Variants in NFKB1 observed in about 807,000 individuals in gnomAD.
NFKB1 encodes the protein nuclear factor NF-kappa-B p105 subunit.
NFKB1 carries 9 observed loss-of-function variants against 105.1 expected under a neutral mutation model. The observed-to-expected ratio is 0.09, with a 90% CI of 0.05 to 0.15. The LOEUF (loss-of-function observed/expected upper bound fraction) is 0.15, where lower values mean the gene tolerates loss of function less well. Ranked by LOEUF, NFKB1 falls within the 10% of genes least tolerant of loss-of-function variation. The probability of loss-of-function intolerance (pLI) is 1.00; values close to 1 mark genes in which losing one functional copy is unlikely to be tolerated. For synonymous variants in NFKB1, 440 were observed against 442.2 expected, an observed-to-expected ratio of 1.00 and a Z score of 0.06; for missense variants, 830 against 1,203.7, an observed-to-expected ratio of 0.69 and a Z score of 4.59.
rs192251080 is a variant in NFKB1 at position 102,518,389 on chromosome 4, G to A, written c.-7-7123G>A. On this transcript the variant is annotated intron_variant, in intron 1 of 23. Transcript: ENST00000226574. ...CCTCTTTTGTTCAGTTGGGAATTGA[G>A]TAAACTAATAGAGTAAAAAAATGAG... Among the ~76,000 whole-genome samples the A allele has an allele frequency of 2.0e-5, 3 of 152,240 alleles. No individual in the cohort carries two copies. The East Asian group carries it at 5.8e-4, about 29-fold the overall frequency.
At position 102,569,028 on chromosome 4, in the gene NFKB1, T is replaced by A. The variant is rs4648017; in HGVS notation, c.407+1893T>A. ...GACTCAGTAGTCTTAACGTTTTTAG[T>A]GTTTCCTATGAAAAGTCAGTACTCA... On this transcript the variant is annotated intron_variant, in intron 6 of 23. Coordinates refer to ENST00000226574, the MANE Select transcript of NFKB1 (RefSeq NM_003998.4). Among the ~76,000 whole-genome samples the A allele has an allele frequency of 3.8e-3, 581 of 152,260 alleles. 5 individuals are homozygous for A. The highest frequency in any genetic ancestry group is 6.6e-3 in the Non-Finnish European group (448 of 67,970).
At chr4:102,598,010 G>A (rs1560708423) in intron 15 of NFKB1, among the ~76,000 whole-genome samples, 1 of 152,186 alleles carries the variant, frequency 6.6e-6, no homozygotes, top group Non-Finnish European at 1.5e-5. Context: ...AATCCCTGAA[G>A]CATTGTTATC....
In NFKB1 at chr4:102,521,593, C is replaced by T. The variant is rs72696146; in HGVS notation, c.-7-3919C>T. 5.0e-3 allele frequency among the ~76,000 whole-genome samples: 761 copies of T among 152,178 alleles called. 1 individual carries two copies. The highest frequency in any genetic ancestry group is 7.8e-3 in the Non-Finnish European group (529 of 67,978). On this transcript the variant is annotated intron_variant, in intron 1 of 23. Transcript: ENST00000226574. ...AAATCCTATAGAAAGAATACATTTT[C>T]TTACAGTGGGTCATGGTCAAAAGTG...
chr4:102,552,747 A>G (rs1232944413), intron 5 of NFKB1, among the ~76,000 whole-genome samples: 1 of 152,222 alleles, frequency 6.6e-6, no homozygotes, highest in Non-Finnish European at 1.5e-5. Context: ...TACAGGCTGA[A>G]CAACATAAAG....
intron 16 of NFKB1, among the ~76,000 whole-genome samples, chr4:102,603,176 G>A (rs908606930): frequency 1.3e-5 from 2 of 151,952 alleles, no homozygotes; most frequent in East Asian, 1.9e-4. Context: ...AGGTTCAAGC[G>A]ATTCTTCTGC....
intron 1 of NFKB1, among the ~76,000 whole-genome samples, chr4:102,521,730 A>G (rs1208156674): frequency 6.6e-6 from 1 of 152,156 alleles, no homozygotes; most frequent in Non-Finnish European, 1.5e-5. Context: ...TCAGTCCTAC[A>G]GCCTTCACCA....
At chr4:102,535,977 A>G (rs997335547) in intron 4 of NFKB1, among the ~76,000 whole-genome samples, 5 of 151,256 alleles carry the variant, frequency 3.3e-5, no homozygotes, top group Non-Finnish European at 5.9e-5. Context: ...TCTGACGGAG[A>G]TGAGTCATAG....
At position 102,501,580 on chromosome 4, in the gene NFKB1, T is replaced by G. The variant is rs1739020250; in HGVS notation, c.-216T>G. ...GCCGCCGCCCGGCCACCGCGCGCCCTGCGCTTCCCTCCGCCCGCGCTGCGG... is the reference window on the plus strand; with the variant it reads ...GCCGCCGCCCGGCCACCGCGCGCCCGGCGCTTCCCTCCGCCCGCGCTGCGG... On this transcript the variant is annotated 5_prime_UTR_variant, in exon 1 of 24. Transcript: ENST00000226574. 1 of 146,700 alleles carries G rather than the reference T, an allele frequency of 6.8e-6. No homozygotes were observed. The allele number at this position is 146,700 out of a possible 1,614,324, so 9.1% of individuals were successfully genotyped here.
At chr4:102,502,381 C>T (rs1739125836) in intron 1 of NFKB1, among the ~76,000 whole-genome samples, 1 of 103,358 alleles carries the variant, frequency 9.7e-6, no homozygotes, top group African/African-American at 5.5e-5. Flanking sequence ...TCCGTGCGCG[C>T]GCGCGCGCGC....
intron 7 of NFKB1, chr4:102,578,038 G>T: frequency 6.2e-6 from 6 of 966,454 alleles, no homozygotes; most frequent in Non-Finnish European, 7.4e-6. Context: ...TCTATTTCCC[G>T]TTTTGCCCCT....
chr4:102,599,308 C>T (rs1366122011), intron 15 of NFKB1, among the ~76,000 whole-genome samples: 2 of 152,148 alleles, frequency 1.3e-5, no homozygotes, highest in Admixed American at 1.3e-4. Flanking sequence ...TAGTGAAACC[C>T]TGAGATCATC....
chr4:102,550,876 T>C (rs1722521220), intron 5 of NFKB1, among the ~76,000 whole-genome samples: 1 of 152,220 alleles, frequency 6.6e-6, no homozygotes. Context: ...CCCATCCCTG[T>C]TGATTTAGTA....
intron 19 of NFKB1, among the ~76,000 whole-genome samples, chr4:102,608,431 G>A (rs190385756): frequency 2.6e-5 from 4 of 152,266 alleles, no homozygotes; most frequent in East Asian, 1.9e-4. Context: ...ATCACACTTC[G>A]GCAGTGTGAA....
intron 6 of NFKB1, 118 bp downstream of exon 6, chr4:102,567,253 A>T: frequency 9.3e-7 from 1 of 1,070,258 alleles, no homozygotes; most frequent in Non-Finnish European, 1.4e-6. Flanking sequence ...AGATGACCTC[A>T]AAAAACTGTG....
intron 4 of NFKB1, among the ~76,000 whole-genome samples, chr4:102,536,232 A>G (rs930985133): frequency 6.6e-6 from 1 of 152,154 alleles, no homozygotes; most frequent in African/African-American, 2.4e-5. Flanking sequence ...GAAATTGTAA[A>G]TTATTTTTAA....
intron 15 of NFKB1, among the ~76,000 whole-genome samples, chr4:102,600,283 G>T (rs1366456037): frequency 6.6e-6 from 1 of 152,194 alleles, no homozygotes; most frequent in African/African-American, 2.4e-5. Context: ...TGGAATGTTT[G>T]CAGGAGTGGT....
chr4:102,603,053 C>T (rs746830638), intron 16 of NFKB1, among the ~76,000 whole-genome samples: 3 of 152,076 alleles, frequency 2.0e-5, no homozygotes, highest in Non-Finnish European at 2.9e-5. Flanking sequence ...CTGCAAAGGA[C>T]ACAGCACAAC....
chr4:102,530,187 T>C (rs1741193069), intron 3 of NFKB1, among the ~76,000 whole-genome samples: 1 of 152,188 alleles, frequency 6.6e-6, no homozygotes, highest in Non-Finnish European at 1.5e-5. Flanking sequence ...TTCTTTATTA[T>C]CTCTGTATTC....
In NFKB1 at chr4:102,580,517, T is replaced by G. The variant is rs1266909966; in HGVS notation, c.731-18T>G. On this transcript the variant is annotated intron_variant, in intron 8 of 23. Transcript: ENST00000226574. ...TGAGGATTAATCATGTTATTTGTTG[T>G]TTTTCCCCTGTGAACAGAAGCCCCC... 6.2e-7 allele frequency: 1 copy of G among 1,607,856 alleles called. No homozygotes were observed. The highest frequency in any genetic ancestry group is 1.7e-5 in the Admixed American group (1 of 59,936).
Sources: gnomAD v4.1 joint callset for allele counts (sites outside exome capture counted in the v4.1 genomes callset) on GRCh38, gnomAD v4.1.1 for gene constraint, MANE v1.5 for transcripts, NCBI Gene and HGNC (gene_info 2026-07-23, HGNC 2026-07-21) for gene names.